Variants in PARD3B observed in about 807,000 individuals in gnomAD.
The protein encoded by PARD3B is partitioning defective 3 homolog B.
In PARD3B, 103 loss-of-function variants were observed where a neutral mutation model predicts 130.2. The ratio of observed to expected loss-of-function variants is 0.79; its 90% CI spans 0.67 to 0.93. The LOEUF is 0.93. Among genes scored for constraint, PARD3B ranks in the 40% least tolerant of loss-of-function variants. The pLI, the probability that PARD3B is intolerant of heterozygous loss-of-function variation, is 0.00. For synonymous variants in PARD3B, 583 were observed against 553.2 expected (o/e 1.05, Z -0.76); for missense variants, 1,609 against 1,499.2 (o/e 1.07, Z -1.21).
chr2:204,764,865 T>TGG (rs1378080059), intron 2 of PARD3B, among the ~76,000 whole-genome samples: 1 of 152,070 alleles, frequency 6.6e-6, no homozygotes, highest in Non-Finnish European at 1.5e-5. Context: ...CCCTCCTCCC[T>TGG]CCTGCGCTGG....
intron 16 of PARD3B, among the ~76,000 whole-genome samples, chr2:205,250,757 C>T (rs1157169497): frequency 2.0e-5 from 3 of 151,940 alleles, no homozygotes; most frequent in Middle Eastern, 3.4e-3. Flanking sequence ...AGTGAAACCC[C>T]GTCTCTACTA....
chr2:204,955,901 T>G (rs1559297153), intron 2 of PARD3B, among the ~76,000 whole-genome samples: 1 of 152,172 alleles, frequency 6.6e-6, no homozygotes, highest in African/African-American at 2.4e-5. Flanking sequence ...TGTGGGACAC[T>G]GGAGGGCCTG....
At chr2:204,561,479 G>A (rs1322676851) in intron 1 of PARD3B, among the ~76,000 whole-genome samples, 1 of 152,094 alleles carries the variant, frequency 6.6e-6, no homozygotes, top group Non-Finnish European at 1.5e-5. Flanking sequence ...CATTGGGGAA[G>A]CCCCAGTGAG....
At chr2:205,054,608 A>G (rs1699518017) in intron 4 of PARD3B, among the ~76,000 whole-genome samples, 2 of 150,860 alleles carry the variant, frequency 1.3e-5, no homozygotes, top group African/African-American at 4.9e-5. Flanking sequence ...CCCGCACCCC[A>G]CAACAGGCCC....
chr2:204,743,282 A>G (rs1574867959), intron 2 of PARD3B, among the ~76,000 whole-genome samples: 1 of 152,080 alleles, frequency 6.6e-6, no homozygotes, highest in Admixed American at 6.6e-5. Flanking sequence ...TGATTTTTGC[A>G]TTATATTTTT....
chr2:205,097,755 C>G (rs2125556007), intron 4 of PARD3B, among the ~76,000 whole-genome samples: 1 of 152,194 alleles, frequency 6.6e-6, no homozygotes, highest in African/African-American at 2.4e-5. Flanking sequence ...TCTTCTTAAG[C>G]AGCTTTTAAT....
chr2:205,154,360 C>G (rs757705030), intron 10 of PARD3B, among the ~76,000 whole-genome samples: 3 of 152,158 alleles, frequency 2.0e-5, no homozygotes, highest in Non-Finnish European at 4.4e-5. Context: ...CCATCTCACA[C>G]CAATTAGAAT....
chr2:204,855,166 G>C (rs1360143918), intron 2 of PARD3B, among the ~76,000 whole-genome samples: 1 of 152,126 alleles, frequency 6.6e-6, no homozygotes, highest in African/African-American at 2.4e-5. Context: ...TCCTGTCTCA[G>C]CCTCCCAAGT....
At chr2:205,079,570 C>G (rs1701278520) in intron 4 of PARD3B, among the ~76,000 whole-genome samples, 1 of 152,186 alleles carries the variant, frequency 6.6e-6, no homozygotes, top group Admixed American at 6.5e-5. Flanking sequence ...TCACTCAAGA[C>G]CTGATCACCT....
intron 2 of PARD3B, among the ~76,000 whole-genome samples, chr2:204,716,069 A>G (rs189300331): frequency 6.6e-6 from 1 of 152,324 alleles, no homozygotes; most frequent in East Asian, 1.9e-4. Context: ...AGTACTTTAA[A>G]TGTAGGAACT....
At chr2:204,728,504 G>A (rs572128338) in intron 2 of PARD3B, among the ~76,000 whole-genome samples, 1 of 152,276 alleles carries the variant, frequency 6.6e-6, no homozygotes, top group East Asian at 1.9e-4. Flanking sequence ...AGTATGAAAT[G>A]TAAAGGAGAA....
chr2:205,499,760 C>T (rs1468894634), intron 20 of PARD3B, 136 bp from the exon 21 acceptor site: 2 of 1,032,108 alleles, frequency 1.9e-6, no homozygotes, highest in East Asian at 2.5e-5. Flanking sequence ...CTGATTTCAC[C>T]ATTTTCCTGG....
In PARD3B at chr2:205,352,697, G is replaced by A. The variant is rs747395524; in HGVS notation, c.2631-48316G>A. ...TAGTATCAGGCGTCCATAGCCTTGC[G>A]TTTTACTCACCCCTCATGCTTTGCA... On this transcript the variant is annotated intron_variant, in intron 18 of 22. Transcript: ENST00000406610. This position sits in a 1 kb window ranked among gnomAD's most constrained non-coding sequence, Gnocchi z 5.2. Among the ~76,000 whole-genome samples the A allele has an allele frequency of 5.9e-5, 9 of 152,196 alleles. No homozygotes were observed. The highest frequency in any genetic ancestry group is 2.1e-4 in the South Asian group (1 of 4,814).
intron 16 of PARD3B, among the ~76,000 whole-genome samples, chr2:205,262,547 A>T (rs185610631): frequency 1.0e-3 from 153 of 152,246 alleles, no homozygotes; most frequent in African/African-American, 3.6e-3. Context: ...GAGGGGGCAG[A>T]TTACAAATCA....
rs150312839 is a variant in PARD3B at position 205,525,039 on chromosome 2, T to C, written c.3180+25008T>C. Reference sequence around the variant, plus strand: ...TTAAACCTCGCCAGAATAAGAGATTTCTTAGTGATGAACCATGGCAAGAAC... The same window carrying C: ...TTAAACCTCGCCAGAATAAGAGATTCCTTAGTGATGAACCATGGCAAGAAC... On this transcript the variant is annotated intron_variant, in intron 21 of 22. Transcript: ENST00000406610. This position sits in a 1 kb window ranked among gnomAD's most constrained non-coding sequence, Gnocchi z 4.2. Among the ~76,000 whole-genome samples the C allele has an allele frequency of 3.4e-4, 52 of 152,348 alleles. 1 individual carries two copies. In the South Asian group the frequency reaches 6.8e-3, roughly 20 times the overall value.
rs186007799 is a variant in PARD3B at position 205,013,913 on chromosome 2, G to A, written c.395-33668G>A. On this transcript the variant is annotated intron_variant, in intron 3 of 22. Transcript: ENST00000406610. ...ACAATTTAGACCATTTGAGAACCAA[G>A]GTGTCACCCTACTGTGAAATCTGCA... Among the ~76,000 whole-genome samples, 434 of 152,256 alleles carry A rather than the reference G, an allele frequency of 2.9e-3. 2 individuals are homozygous for A. The highest frequency in any genetic ancestry group is 2.7e-3 in the Non-Finnish European group (181 of 68,020).
chr2:205,380,880 T>TATATAAAGAATATA (rs1418743676), intron 18 of PARD3B, among the ~76,000 whole-genome samples: 1 of 12,820 alleles, frequency 7.8e-5, no homozygotes, highest in African/African-American at 2.9e-4. Flanking sequence ...AAAGAATACA[T>TATATAAAGAATATA]TATAATATAT....
intron 1 of PARD3B, among the ~76,000 whole-genome samples, chr2:204,574,716 G>T (rs555619737): frequency 6.6e-6 from 1 of 152,164 alleles, no homozygotes; most frequent in South Asian, 2.1e-4. Context: ...TTTCTGAACT[G>T]CTTATATGGT....
chr2:204,834,526 G>C (rs1329065277), intron 2 of PARD3B, among the ~76,000 whole-genome samples: 1 of 152,106 alleles, frequency 6.6e-6, no homozygotes, highest in Non-Finnish European at 1.5e-5. Flanking sequence ...ATGTATTTCT[G>C]GGCATTACAA....
Sources: gnomAD v4.1 joint callset for allele counts (sites outside exome capture counted in the v4.1 genomes callset) on GRCh38, gnomAD v4.1.1 for gene constraint, Gnocchi (gnomAD v3.1) non-coding constraint, MANE v1.5 for transcripts, NCBI Gene and HGNC (gene_info 2026-07-23, HGNC 2026-07-21) for gene names.